Variants in CCDC171 observed in about 807,000 individuals in gnomAD.
The protein encoded by CCDC171 is coiled-coil domain containing 171, also known as coiled-coil domain-containing protein 171.
In CCDC171, 177 loss-of-function variants were observed where a neutral mutation model predicts 168.2. That is an observed-to-expected ratio of 1.05 (90% CI 0.93 to 1.19). The LOEUF is 1.19. Ranked by LOEUF, CCDC171 falls within the 50% of genes most tolerant of loss-of-function variation. CCDC171 has a pLI of 0.00. For synonymous variants in CCDC171, 687 were observed against 540.8 expected, an observed-to-expected ratio of 1.27 and a Z score of -3.75; for missense variants, 1,991 against 1,539.0, an observed-to-expected ratio of 1.29 and a Z score of -4.91.
chr9:15,667,717 G>T (rs2048832046), intron 9 of CCDC171, among the ~76,000 whole-genome samples: 1 of 152,158 alleles, frequency 6.6e-6, no homozygotes, highest in Admixed American at 6.6e-5. Flanking sequence ...TTAAATAGCG[G>T]TAATTTTTGT....
chr9:15,752,049 A>C (rs1377672829), intron 18 of CCDC171, among the ~76,000 whole-genome samples: 1 of 152,216 alleles, frequency 6.6e-6, no homozygotes, highest in African/African-American at 2.4e-5. Context: ...CAAAGAACTT[A>C]AACAAATTTA....
At chr9:15,828,912 C>T (rs1251207809) in intron 21 of CCDC171, among the ~76,000 whole-genome samples, 1 of 152,100 alleles carries the variant, frequency 6.6e-6, no homozygotes, top group African/African-American at 2.4e-5. Context: ...TGAGGTTTCT[C>T]CTTCTTGACT....
At chr9:16,080,995 C>T in the CCDC171 span, among the ~76,000 whole-genome samples, 1 of 152,152 alleles carries the variant, frequency 6.6e-6, no homozygotes, top group Non-Finnish European at 1.5e-5. Context: ...GCAGCCGTCT[C>T]TCTTGCGGAA....
At chr9:15,906,069 T>C (rs1007089479) in intron 24 of CCDC171, among the ~76,000 whole-genome samples, 2 of 152,162 alleles carry the variant, frequency 1.3e-5, no homozygotes, top group Non-Finnish European at 2.9e-5. Context: ...ACCAGATGGA[T>C]TCACAGCCGA....
Position 15,846,793 on chromosome 9 carries a change from G to A in CCDC171, c.3359G>A (p.Arg1120His), listed in dbSNP as rs1390853224. 12 of 1,611,578 alleles carry A rather than the reference G, an allele frequency of 7.4e-6. No individual in the cohort carries two copies. The highest frequency in any genetic ancestry group is 2.7e-5 in the African/African-American group (2 of 74,850). The change falls in exon 22 of 26, where the codon CGT becomes CAT. Residue 1120 changes from arginine to histidine, a missense_variant. By Grantham distance (29) the Arg-to-His change is conservative. Coordinates refer to ENST00000380701, the MANE Select transcript of CCDC171 (RefSeq NM_173550.4). The stretch of plus-strand genomic sequence containing the variant: ...CTTACCCAGCTGGAGCAGGACAAGC[G>A]TCGACTGGAGGAGAACATCCATGAT... Reference protein sequence around the residue: ...RHLTQLEQDKRRLEENIHDAE... With the variant: ...RHLTQLEQDKHRLEENIHDAE...
In CCDC171 at chr9:16,057,269, C is replaced by G. The variant is rs1308293303; in HGVS notation, n.90-3377C>G. Reference sequence around the variant, plus strand: ...AGGTTCAGTTCCCAAAGTCACGAAACAAGAAGCAAAATCAAAGCCTCTTAG... The same window carrying G: ...AGGTTCAGTTCCCAAAGTCACGAAAGAAGAAGCAAAATCAAAGCCTCTTAG... On this transcript the variant is annotated intron_variant and non_coding_transcript_variant, in intron 1 of 1. Coordinates refer to the CCDC171 transcript ENST00000478913. Among the ~76,000 whole-genome samples, 4 of 152,088 alleles carry G rather than the reference C, an allele frequency of 2.6e-5. No homozygotes were observed. In the South Asian group the frequency reaches 6.2e-4, roughly 24 times the overall value.
intron 6 of CCDC171, among the ~76,000 whole-genome samples, chr9:15,619,293 C>T (rs1383413286): frequency 6.6e-6 from 1 of 152,160 alleles, no homozygotes; most frequent in East Asian, 1.9e-4. Flanking sequence ...ACAGGCCAAA[C>T]GCTATGTCTT....
intron 18 of CCDC171, among the ~76,000 whole-genome samples, chr9:15,767,759 C>A (rs947544688): frequency 6.7e-6 from 1 of 149,602 alleles, no homozygotes; most frequent in Non-Finnish European, 1.5e-5. Context: ...CTTTTCATGT[C>A]CTTGGGCCTT....
chr9:16,050,298 G>A (rs2133069757), intron 1 of CCDC171, among the ~76,000 whole-genome samples: 1 of 152,188 alleles, frequency 6.6e-6, no homozygotes, highest in East Asian at 1.9e-4. Context: ...AATTATTACT[G>A]GTGCTGTAAA....
intron 18 of CCDC171, among the ~76,000 whole-genome samples, chr9:15,767,087 A>G (rs2056763709): frequency 6.6e-6 from 1 of 152,236 alleles, no homozygotes; most frequent in African/African-American, 2.4e-5. Context: ...TTTTAGATGT[A>G]AACTTAAAAA....
At chr9:15,880,885 A>G (rs749596905) in intron 24 of CCDC171, among the ~76,000 whole-genome samples, 33 of 152,296 alleles carry the variant, frequency 2.2e-4, no homozygotes, top group Non-Finnish European at 4.4e-4. Context: ...TGTAAATACT[A>G]CCCAGAGAAG....
chr9:15,556,601 T>C (rs561762647), intron 1 of CCDC171, among the ~76,000 whole-genome samples: 51 of 152,296 alleles, frequency 3.3e-4, no homozygotes, highest in African/African-American at 1.2e-3. Context: ...GATTTTTTCT[T>C]GTAAATTTGT....
chr9:15,756,062 TTC>T (rs1449598614), intron 18 of CCDC171, among the ~76,000 whole-genome samples: 6 of 152,190 alleles, frequency 3.9e-5, no homozygotes, highest in African/African-American at 1.2e-4. Context: ...CCCAGCAGTT[TTC>T]TCTTCTTGTT....
intron 21 of CCDC171, among the ~76,000 whole-genome samples, chr9:15,824,139 T>C (rs961731307): frequency 6.6e-6 from 1 of 152,070 alleles, no homozygotes; most frequent in African/African-American, 2.4e-5. Context: ...TGAAAAAACA[T>C]GACATATTGG....
chr9:16,012,197 C>T (rs17352900), intron 3 of CCDC171, among the ~76,000 whole-genome samples: 47,106 of 152,040 alleles, frequency 0.31, 7,574 homozygotes, highest in Non-Finnish European at 0.36. Flanking sequence ...TGTGTGGCTC[C>T]TCCTGTCCAC....
rs1038015715 is a variant in CCDC171 at position 15,764,244 on chromosome 9, G to A, written c.2672-13356G>A. ...GGTAAGAACTTTAGATTTTATTCAG[G>A]ATAAGATGGGATACCATCGGAAAGT... On this transcript the variant is annotated intron_variant, in intron 18 of 25. Transcript: ENST00000380701. Among the ~76,000 whole-genome samples, 109 of 152,200 alleles carry A rather than the reference G, an allele frequency of 7.2e-4. 1 individual carries two copies. Among genetic ancestry groups the A allele is most frequent in the African/African-American group, 2.4e-3 (100 of 41,458 alleles).
intron 6 of CCDC171, among the ~76,000 whole-genome samples, chr9:15,604,515 A>G (rs960964198): frequency 3.9e-5 from 6 of 152,206 alleles, no homozygotes; most frequent in African/African-American, 9.7e-5. Context: ...CAACCAGGGA[A>G]TACAGTTATC....
intron 18 of CCDC171, among the ~76,000 whole-genome samples, chr9:15,754,788 AT>A (rs549818255): frequency 1.1e-3 from 173 of 152,230 alleles, no homozygotes; most frequent in Middle Eastern, 3.4e-3. Flanking sequence ...AAATGAATAC[AT>A]TTTTAAAGTG....
rs898542714 is a variant in CCDC171 at position 15,769,701 on chromosome 9, G to A, written c.2672-7899G>A. Reference sequence around the variant, plus strand: ...CATAGTCTCCCCCGTACCAACGGATGCTGGTGCAGTGCAGCCGGCCAAGTG... The same window carrying A: ...CATAGTCTCCCCCGTACCAACGGATACTGGTGCAGTGCAGCCGGCCAAGTG... On this transcript the variant is annotated intron_variant, in intron 18 of 25. Transcript: ENST00000380701. 2.0e-5 allele frequency among the ~76,000 whole-genome samples: 3 copies of A among 152,336 alleles called. No individual in the cohort carries two copies. In the East Asian group the frequency reaches 5.8e-4, roughly 29 times the overall value.
Sources: gnomAD v4.1 joint callset for allele counts (sites outside exome capture counted in the v4.1 genomes callset) on GRCh38, gnomAD v4.1.1 for gene constraint, MANE v1.5 for transcripts, NCBI Gene and HGNC (gene_info 2026-07-23, HGNC 2026-07-21) for gene names.